Variants in MRTFB observed in about 807,000 individuals in gnomAD.
MRTFB encodes myocardin-related transcription factor B.
In MRTFB, 29 loss-of-function variants were observed where a neutral mutation model predicts 104.2. The ratio of observed to expected loss-of-function variants is 0.28; its 90% CI spans 0.21 to 0.38. The LOEUF is 0.38. Among genes scored for constraint, MRTFB ranks in the 10% least tolerant of loss-of-function variants. The probability of loss-of-function intolerance (pLI) is 1.00; values close to 1 mark genes in which losing one functional copy is unlikely to be tolerated. For synonymous variants in MRTFB, 535 were observed against 519.5 expected (o/e 1.03, Z -0.41); for missense variants, 1,270 against 1,341.6 (o/e 0.95, Z 0.83).
chr16:14,225,656 GCATT>G (rs74275913), intron 8 of MRTFB, among the ~76,000 whole-genome samples: 4,809 of 151,242 alleles, frequency 0.032, 135 homozygotes, highest in Admixed American at 0.1. Flanking sequence ...CATCCAGAAA[GCATT>G]CATTCATTCA....
chr16:14,032,294 A>G, the MRTFB span, among the ~76,000 whole-genome samples: 1 of 152,232 alleles, frequency 6.6e-6, no homozygotes, highest in African/African-American at 2.4e-5. Flanking sequence ...TCATGCCTAC[A>G]TAATTAAGGC....
Position 14,247,030 on chromosome 16 carries a change from A to C in MRTFB, c.1770A>C (p.Gln590His), listed in dbSNP as rs778256518. Residue 590 changes from glutamine to histidine, a missense_variant, in exon 12 of 17, where the codon CAA (glutamine) becomes CAC (histidine). Transcript: ENST00000571589. Reference sequence around the variant, plus strand: ...AAGAGCTGAAGAGGAAACTGGAACAAGAGCAGAAGCTCGTGGAAGTGCTGA... The same window carrying C: ...AAGAGCTGAAGAGGAAACTGGAACACGAGCAGAAGCTCGTGGAAGTGCTGA... ...QIEELKRKLEQEQKLVEVLKM... is the reference protein window; with the variant it reads ...QIEELKRKLEHEQKLVEVLKM... 6.2e-7 allele frequency: 1 copy of C among 1,614,236 alleles called. No homozygotes were observed. The highest frequency in any genetic ancestry group is 2.2e-5 in the East Asian group (1 of 44,872).
intron 3 of MRTFB, chr16:14,200,430 G>T: frequency 6.2e-7 from 1 of 1,609,178 alleles, no homozygotes; most frequent in South Asian, 1.1e-5. Context: ...ACGACTAATA[G>T]ACCAAGAAAA....
chr16:14,094,078 A>G (rs74890264), intron 2 of MRTFB, among the ~76,000 whole-genome samples: 1,913 of 151,854 alleles, frequency 0.013, 40 homozygotes, highest in African/African-American at 0.043. Flanking sequence ...GAGAGGAAGC[A>G]GCTCTTTTAG....
chr16:14,265,750 C>T lies in MRTFB; in HGVS notation c.*4306C>T, dbSNP rs762305233. 6.6e-6 allele frequency: 1 copy of T among 152,182 alleles called. No individual in the cohort carries two copies. Among genetic ancestry groups the T allele is most frequent in the Non-Finnish European group, 1.5e-5 (1 of 68,046 alleles). The allele number at this position is 152,182 out of a possible 1,614,324, so 9.4% of individuals were successfully genotyped here. On this transcript the variant is annotated 3_prime_UTR_variant, in exon 17 of 17. Transcript: ENST00000571589. ...CACATGTTTACAGAAGAGCTCTTAC[C>T]CTCCATGCAAACACTTTGCTCTGTG...
chr16:14,261,192 G>C lies in MRTFB; in HGVS notation c.3048G>C (p.Gln1016His). 1 of 1,614,218 alleles carries C rather than the reference G, an allele frequency of 6.2e-7. No homozygotes were observed. Among genetic ancestry groups the C allele is most frequent in the Non-Finnish European group, 8.5e-7 (1 of 1,180,038 alleles). ...CCTTCTCTCTGATCGAGGACCTCCA[G>C]AATGATCTGCTGAGTCACTCAGGTA... ...REPFSLIEDL[Q>H]NDLLSHSGML... The change falls in exon 17 of 17, where the codon CAG becomes CAC. Residue 1016 changes from glutamine (Q) to histidine (H), a missense_variant. By Grantham distance (24) the Gln-to-His change is conservative (BLOSUM62 0). Coordinates refer to ENST00000571589, the MANE Select transcript of MRTFB (RefSeq NM_001308142.2).
intron 3 of MRTFB, among the ~76,000 whole-genome samples, chr16:14,169,949 A>G (rs1366966455): frequency 6.6e-6 from 1 of 152,240 alleles, no homozygotes; most frequent in African/African-American, 2.4e-5. Context: ...CATCATAGAT[A>G]TAACACATGT....
chr16:14,217,913 C>T (rs188767572), intron 7 of MRTFB, among the ~76,000 whole-genome samples: 1 of 152,264 alleles, frequency 6.6e-6, no homozygotes, highest in Middle Eastern at 3.4e-3. Context: ...ACTGATGTTT[C>T]TCTTTTTGTT....
chr16:14,028,621 C>T, the MRTFB span, among the ~76,000 whole-genome samples: 1 of 152,326 alleles, frequency 6.6e-6, no homozygotes, highest in African/African-American at 2.4e-5. Context: ...GAGCTGCCTG[C>T]CTGCAACTCG....
At chr16:14,245,504 T>C in intron 10 of MRTFB, 24 bp from the exon 11 acceptor site, 1 of 1,590,554 alleles carries the variant, frequency 6.3e-7, no homozygotes, top group Non-Finnish European at 8.5e-7. Flanking sequence ...TATTATAAAC[T>C]CTAATTTTTG....
the MRTFB span, among the ~76,000 whole-genome samples, chr16:14,063,409 A>G: frequency 6.6e-6 from 1 of 152,170 alleles, no homozygotes; most frequent in African/African-American, 2.4e-5. Flanking sequence ...GGTTCTATAA[A>G]TTGCATGTCG....
the MRTFB span, among the ~76,000 whole-genome samples, chr16:14,062,126 T>C: frequency 0.025 from 3,741 of 152,200 alleles, 171 homozygotes; most frequent in African/African-American, 0.085. Context: ...AGGGTCTTGC[T>C]CTGTCACCCA....
intron 2 of MRTFB, among the ~76,000 whole-genome samples, chr16:14,121,476 C>T (rs2036841515): frequency 6.6e-6 from 1 of 152,072 alleles, no homozygotes; most frequent in Non-Finnish European, 1.5e-5. Flanking sequence ...ATTTTGGTGA[C>T]ATTTGAACTC....
At chr16:14,236,166 G>A (rs1324827105) in intron 9 of MRTFB, among the ~76,000 whole-genome samples, 1 of 152,142 alleles carries the variant, frequency 6.6e-6, no homozygotes, top group Admixed American at 6.5e-5. Context: ...ACTCCAGCCT[G>A]GGTGACAGAG....
At chr16:14,143,442 G>C (rs1209056689) in intron 3 of MRTFB, 2 of 151,278 alleles carry the variant, frequency 1.3e-5, no homozygotes, top group African/African-American at 4.9e-5. Flanking sequence ...GGATGGAGGT[G>C]CATGTTTTAG....
intron 8 of MRTFB, among the ~76,000 whole-genome samples, chr16:14,220,212 C>G (rs890943269): frequency 6.6e-6 from 1 of 152,172 alleles, no homozygotes; most frequent in African/African-American, 2.4e-5. Context: ...ACTGTGTTCT[C>G]ACATATTTGC....
At chr16:14,187,043 T>A (rs769134533) in intron 3 of MRTFB, 90 of 1,592,220 alleles carry the variant, frequency 5.7e-5, no homozygotes, top group Admixed American at 1.2e-4. Context: ...AAGGTCAGTC[T>A]GTCTGTGGAC....
chr16:14,196,495 T>C (rs2040437866), intron 3 of MRTFB, among the ~76,000 whole-genome samples: 1 of 152,264 alleles, frequency 6.6e-6, no homozygotes, highest in African/African-American at 2.4e-5. Context: ...TTCTGTATAC[T>C]TAATAAGAAT....
intron 8 of MRTFB, among the ~76,000 whole-genome samples, chr16:14,219,977 A>T (rs1304162868): frequency 6.6e-6 from 1 of 152,170 alleles, no homozygotes; most frequent in East Asian, 1.9e-4. Flanking sequence ...ATGCAGACTG[A>T]CACAATGGTT....
Sources: allele counts gnomAD v4.1 joint callset (sites outside exome capture counted in the v4.1 genomes callset), GRCh38; gene constraint gnomAD v4.1.1; transcripts MANE v1.5; gene names NCBI Gene and HGNC (gene_info 2026-07-23, HGNC 2026-07-21).